Variants in CSMD1 observed in about 807,000 individuals in gnomAD.
The protein encoded by CSMD1 is CUB and sushi domain-containing protein 1.
CSMD1 carries 213 observed loss-of-function variants against 417.5 expected under a neutral mutation model. The observed-to-expected ratio is 0.51, with a 90% CI of 0.46 to 0.57. The LOEUF is 0.57. Among genes scored for constraint, CSMD1 ranks in the 20% least tolerant of loss-of-function variants. The pLI, the probability that CSMD1 is intolerant of heterozygous loss-of-function variation, is 0.00. For synonymous variants in CSMD1, 2,862 were observed against 1,736.8 expected (o/e 1.65, Z -16.11); for missense variants, 6,923 against 4,529.7 (o/e 1.53, Z -15.17).
chr8:4,477,177 C>T (rs1255640293), intron 2 of CSMD1, among the ~76,000 whole-genome samples: 3 of 152,182 alleles, frequency 2.0e-5, no homozygotes, highest in African/African-American at 7.2e-5. Flanking sequence ...CACTGTCTTC[C>T]TGCGCAGACA....
chr8:4,181,617 A>G (rs1347029191), intron 3 of CSMD1, among the ~76,000 whole-genome samples: 1 of 152,234 alleles, frequency 6.6e-6, no homozygotes, highest in East Asian at 1.9e-4. Flanking sequence ...CTTAAAATTC[A>G]TTTATATTTA....
intron 3 of CSMD1, among the ~76,000 whole-genome samples, chr8:4,139,018 ATAT>A (rs879605726): frequency 0.3 from 44,972 of 152,046 alleles, 8,073 homozygotes; most frequent in Non-Finnish European, 0.39. Context: ...CAGAAAGGAC[ATAT>A]GCTGCATGTT....
At chr8:4,374,972 G>GC (rs1208803375) in intron 3 of CSMD1, among the ~76,000 whole-genome samples, 2 of 131,922 alleles carry the variant, frequency 1.5e-5, no homozygotes, top group Non-Finnish European at 3.3e-5. Context: ...GGGGGGGGGG[G>GC]GCGATAGTGG....
intron 36 of CSMD1, among the ~76,000 whole-genome samples, chr8:3,183,805 C>T (rs1445036698): frequency 8.5e-5 from 13 of 152,182 alleles, no homozygotes; most frequent in Non-Finnish European, 8.8e-5. Flanking sequence ...CCTTAACTGG[C>T]GTGCATTCTA....
intron 1 of CSMD1, among the ~76,000 whole-genome samples, chr8:4,976,072 G>T (rs375840816): frequency 3.2e-4 from 49 of 152,200 alleles, no homozygotes; most frequent in African/African-American, 9.6e-4. Flanking sequence ...GTCAATAATT[G>T]GTTGACACAT....
chr8:3,538,867 T>C (rs1184050744), intron 10 of CSMD1, among the ~76,000 whole-genome samples: 1 of 152,180 alleles, frequency 6.6e-6, no homozygotes, highest in Admixed American at 6.5e-5. Context: ...TAAGTGTTCC[T>C]AGTTGTTCTC....
chr8:4,342,233 C>CTG (rs1219686033), intron 3 of CSMD1, among the ~76,000 whole-genome samples: 2 of 23,464 alleles, frequency 8.5e-5, no homozygotes, highest in South Asian at 7.2e-4. Flanking sequence ...GTGTGTGTGT[C>CTG]TGTGTGTGTG....
chr8:4,653,592 T>C (rs1490494497), intron 1 of CSMD1, among the ~76,000 whole-genome samples: 1 of 152,096 alleles, frequency 6.6e-6, no homozygotes, highest in African/African-American at 2.4e-5. Context: ...TGACATGCAT[T>C]AAAATAGTCC....
intron 69 of CSMD1, among the ~76,000 whole-genome samples, chr8:2,939,871 G>C (rs545809260): frequency 2.8e-4 from 43 of 152,300 alleles, no homozygotes; most frequent in Non-Finnish European, 5.6e-4. Context: ...GTGAAGACCT[G>C]GCTAAAATGT....
Position 2,942,494 on chromosome 8 carries a change from C to G in CSMD1, c.10513G>C (p.Ala3505Pro). The change falls in exon 69 of 70, where the codon GCA becomes CCA. Residue 3505 changes from alanine (A) to proline (P), a missense_variant. Coordinates refer to ENST00000635120, the MANE Select transcript of CSMD1 (RefSeq NM_033225.6). ...PFFALILSGF[A>P]FYLYKHRTRP... ...TACCTGTGTTTGTAGAGGTAAAATG[C>G]AAACCCTGATAAAATTAGAGCAAAG... 1 of 1,612,996 alleles carries G rather than the reference C, an allele frequency of 6.2e-7. No homozygotes were observed. The highest frequency in any genetic ancestry group is 8.5e-7 in the Non-Finnish European group (1 of 1,179,396).
chr8:4,225,373 G>T (rs913991542), intron 3 of CSMD1, among the ~76,000 whole-genome samples: 4 of 151,716 alleles, frequency 2.6e-5, no homozygotes, highest in Non-Finnish European at 5.9e-5. Context: ...AATATACATC[G>T]TGTTTCTCAT....
At chr8:3,187,255 C>G (rs1796112789) in intron 36 of CSMD1, among the ~76,000 whole-genome samples, 1 of 152,160 alleles carries the variant, frequency 6.6e-6, no homozygotes, top group Non-Finnish European at 1.5e-5. Flanking sequence ...TGTCATGCAT[C>G]TGGAGGCAGG....
intron 10 of CSMD1, among the ~76,000 whole-genome samples, chr8:3,506,186 C>T (rs1344518541): frequency 3.3e-5 from 5 of 152,036 alleles, no homozygotes; most frequent in African/African-American, 1.2e-4. Flanking sequence ...CTCTGAACAC[C>T]CCCAGCCCCA....
At chr8:4,457,208 G>C (rs950446419) in intron 2 of CSMD1, among the ~76,000 whole-genome samples, 7 of 152,114 alleles carry the variant, frequency 4.6e-5, no homozygotes, top group Admixed American at 1.3e-4. Flanking sequence ...CACATGTGGA[G>C]GGAAGGGGGG....
rs1321793564 is a variant in CSMD1, at chr8:3,989,750, C to T, written c.818+8153G>A. ...TTACTAAAGTCATAGGTGGGAAACG[C>T]TAATGTTCTAGGCCACTACTCATTT... On this transcript the variant is annotated intron_variant, in intron 5 of 69. Transcript: ENST00000635120. Among the ~76,000 whole-genome samples, 9 of 152,276 alleles carry T rather than the reference C, an allele frequency of 5.9e-5. No individual in the cohort carries two copies. The East Asian group carries it at 1.5e-3, about 26-fold the overall frequency.
rs531987691 is a variant in CSMD1, at chr8:3,649,638, C to T, written c.1010-32841G>A. Among the ~76,000 whole-genome samples the T allele has an allele frequency of 8.5e-5, 13 of 152,260 alleles. No homozygotes were observed. In the South Asian group the frequency reaches 1.7e-3, roughly 19 times the overall value. On this transcript the variant is annotated intron_variant, in intron 7 of 69. Transcript: ENST00000635120. ...CTTACTCACCATCATGAGAACAGCACGGAGAAACCACCCCCATGATTCCAT... is the reference window on the plus strand; with the variant it reads ...CTTACTCACCATCATGAGAACAGCATGGAGAAACCACCCCCATGATTCCAT...
At chr8:3,851,801 C>T (rs1803927501) in intron 5 of CSMD1, among the ~76,000 whole-genome samples, 1 of 152,110 alleles carries the variant, frequency 6.6e-6, no homozygotes, top group Non-Finnish European at 1.5e-5. Context: ...GTGAGTAGAA[C>T]ACGTGGTTCT....
chr8:4,887,952 A>G (rs1269117826), intron 1 of CSMD1, among the ~76,000 whole-genome samples: 1 of 152,034 alleles, frequency 6.6e-6, no homozygotes, highest in Non-Finnish European at 1.5e-5. Flanking sequence ...TAGTCAATAT[A>G]TGGTTAAATC....
chr8:3,370,558 G>A (rs1200647967), intron 18 of CSMD1, among the ~76,000 whole-genome samples: 3 of 152,240 alleles, frequency 2.0e-5, no homozygotes, highest in Admixed American at 1.3e-4. Context: ...TAAGAGGCCG[G>A]TCATGTCTGT....
Sources: gnomAD v4.1 joint callset for allele counts (sites outside exome capture counted in the v4.1 genomes callset) on GRCh38, gnomAD v4.1.1 for gene constraint, MANE v1.5 for transcripts, NCBI Gene and HGNC (gene_info 2026-07-23, HGNC 2026-07-21) for gene names.